Variants in EYA2 observed in about 807,000 individuals in gnomAD.
The protein encoded by EYA2 is EYA transcriptional coactivator and phosphatase 2.
A neutral mutation model predicts 69.2 loss-of-function variants in EYA2; 31 were observed. The observed-to-expected ratio is 0.45, with a 90% CI of 0.34 to 0.60. The LOEUF (loss-of-function observed/expected upper bound fraction) is 0.60. Among genes scored for constraint, EYA2 ranks in the 20% least tolerant of loss-of-function variants. The pLI is 0.02. For missense variants in EYA2, 622 were observed against 701.2 expected (o/e 0.89, Z 1.28); for synonymous variants, 257 against 279.4 (o/e 0.92, Z 0.80).
intron 15 of EYA2, among the ~76,000 whole-genome samples, chr20:47,184,936 C>G (rs1034515142): frequency 2.6e-5 from 4 of 152,160 alleles, no homozygotes; most frequent in Non-Finnish European, 4.4e-5. Flanking sequence ...CCACCACACA[C>G]AGAACTCCCA....
intron 1 of EYA2, among the ~76,000 whole-genome samples, chr20:46,938,159 A>G (rs1986001558): frequency 6.6e-6 from 1 of 152,226 alleles, no homozygotes; most frequent in African/African-American, 2.4e-5. Context: ...TTTAATTTGG[A>G]AAATTTCAAA....
intron 9 of EYA2, among the ~76,000 whole-genome samples, chr20:47,118,500 ATTGT>A (rs2032964412): frequency 1.0e-3 from 1 of 986 alleles, no homozygotes; most frequent in Non-Finnish European, 1.8e-3. Flanking sequence ...GGTGAATGAC[ATTGT>A]TTGAGGTGTT....
At chr20:47,111,110 A>G (rs757944218) in intron 9 of EYA2, among the ~76,000 whole-genome samples, 11 of 152,256 alleles carry the variant, frequency 7.2e-5, no homozygotes, top group Non-Finnish European at 1.6e-4. Flanking sequence ...CAGAGAATAA[A>G]TGACAGGTGC....
intron 5 of EYA2, among the ~76,000 whole-genome samples, chr20:47,046,417 A>G (rs1990445001): frequency 6.6e-6 from 1 of 152,200 alleles, no homozygotes; most frequent in African/African-American, 2.4e-5. Context: ...ACTCATGGCT[A>G]GTGGGGGAAC....
At chr20:46,936,843 G>A (rs1276143214) in intron 1 of EYA2, among the ~76,000 whole-genome samples, 1 of 152,070 alleles carries the variant, frequency 6.6e-6, no homozygotes, top group Non-Finnish European at 1.5e-5. Context: ...GCGATTCGGG[G>A]ATTTCTTTTC....
chr20:47,109,810 G>A (rs139282398), intron 9 of EYA2, among the ~76,000 whole-genome samples: 43 of 152,220 alleles, frequency 2.8e-4, no homozygotes, highest in East Asian at 1.7e-3. Context: ...TTGGGGAATG[G>A]GATACTACTG....
chr20:47,114,200 C>G (rs908180559), intron 9 of EYA2, among the ~76,000 whole-genome samples: 1 of 152,266 alleles, frequency 6.6e-6, no homozygotes, highest in South Asian at 2.1e-4. Flanking sequence ...AGATGAGAAC[C>G]CTGAGGCTCA....
chr20:46,896,113 G>A (rs1983798720), intron 1 of EYA2, among the ~76,000 whole-genome samples: 1 of 152,152 alleles, frequency 6.6e-6, no homozygotes, highest in Non-Finnish European at 1.5e-5. Context: ...TGCAGTGGAA[G>A]AGCTGAACAT....
In EYA2 at chr20:47,188,259, G is replaced by A. The variant is rs886392528; in HGVS notation, c.*126G>A. 190 of 824,596 alleles carry A rather than the reference G, an allele frequency of 2.3e-4. No homozygotes were observed. Among genetic ancestry groups the A allele is most frequent in the South Asian group, 9.7e-4 (63 of 64,730 alleles). The allele number at this position is 824,596 out of a possible 1,614,324, so 51.1% of individuals were successfully genotyped here. A position where few individuals can be genotyped will look rare whatever the true frequency, so the allele number is the denominator to read the frequency against. ...GAAGGGGCCCCACAGCCGAGACGAC[G>A]TGTCCAGTGACCATCTCAGAAGCCG... On this transcript the variant is annotated 3_prime_UTR_variant, in exon 16 of 16. Transcript: ENST00000327619.
At chr20:47,156,304 A>G (rs1415989191) in intron 10 of EYA2, among the ~76,000 whole-genome samples, 3 of 149,586 alleles carry the variant, frequency 2.0e-5, no homozygotes, top group Non-Finnish European at 4.5e-5. Flanking sequence ...ACTGCACTCC[A>G]GCCTGGGCAA....
chr20:47,012,481 C>A (rs1983131359), intron 4 of EYA2, among the ~76,000 whole-genome samples: 1 of 152,088 alleles, frequency 6.6e-6, no homozygotes, highest in African/African-American at 2.4e-5. Context: ...CCAGAAAAAT[C>A]AAATTAAAAT....
chr20:46,969,225 T>TG (rs1409028640), intron 1 of EYA2, among the ~76,000 whole-genome samples: 13 of 150,742 alleles, frequency 8.6e-5, no homozygotes, highest in African/African-American at 1.2e-4. Flanking sequence ...TTTGGTTTTT[T>TG]TTTTGTTTGT....
intron 1 of EYA2, among the ~76,000 whole-genome samples, chr20:46,929,628 C>T (rs1189557399): frequency 1.3e-5 from 2 of 152,064 alleles, no homozygotes; most frequent in East Asian, 3.9e-4. Context: ...GGACACAGGA[C>T]TTGAGCAGAG....
In EYA2 at chr20:47,136,297, A is replaced by ACTTCCAAGAACCAACATACTATTTTC. The variant is rs377180558; in HGVS notation, c.889-6760_889-6759insTCCAAGAACCAACATACTATTTTCCT. 1.1e-4 allele frequency among the ~76,000 whole-genome samples: 16 copies of ACTTCCAAGAACCAACATACTATTTTC among 152,174 alleles called. No homozygotes were observed. The East Asian group carries it at 1.7e-3, about 17-fold the overall frequency. ...ATAACTTTGGCATTCACGTTTTGAA[A>ACTTCCAAGAACCAACATACTATTTTC]CTCATTCATGTTTGCTTTACATCAG... On this transcript the variant is annotated intron_variant, in intron 9 of 15. Coordinates refer to ENST00000327619, the MANE Select transcript of EYA2 (RefSeq NM_005244.5).
chr20:47,011,995 G>A (rs566077182), intron 4 of EYA2, among the ~76,000 whole-genome samples: 4 of 152,282 alleles, frequency 2.6e-5, no homozygotes, highest in African/African-American at 7.2e-5. Context: ...CTCCTCTGCT[G>A]TGTGTTTTTA....
chr20:46,993,216 AGTT>A (rs1981795489), intron 2 of EYA2, among the ~76,000 whole-genome samples: 1 of 152,214 alleles, frequency 6.6e-6, no homozygotes, highest in African/African-American at 2.4e-5. Flanking sequence ...GGATGAAATG[AGTT>A]GAAACAGGGA....
intron 10 of EYA2, among the ~76,000 whole-genome samples, chr20:47,145,249 G>A (rs1255313379): frequency 1.3e-5 from 2 of 152,102 alleles, no homozygotes; most frequent in East Asian, 1.9e-4. Flanking sequence ...TGAGGGGGCC[G>A]GTCCAGGGAA....
intron 10 of EYA2, among the ~76,000 whole-genome samples, chr20:47,168,609 A>C (rs911419846): frequency 2.0e-5 from 3 of 151,784 alleles, no homozygotes; most frequent in African/African-American, 7.3e-5. Context: ...GCACATAGTA[A>C]GTGCTCAGTA....
intron 2 of EYA2, among the ~76,000 whole-genome samples, chr20:46,997,055 A>G (rs1025813744): frequency 1.3e-5 from 2 of 152,058 alleles, no homozygotes; most frequent in South Asian, 2.1e-4. Context: ...CTTTCCCCCC[A>G]CAAAGCGGGA....
Sources: allele counts gnomAD v4.1 joint callset (sites outside exome capture counted in the v4.1 genomes callset), GRCh38; gene constraint gnomAD v4.1.1; transcripts MANE v1.5; gene names NCBI Gene and HGNC (gene_info 2026-07-23, HGNC 2026-07-21).